OSBPL10: variants seen among roughly 807,000 people sequenced by gnomAD.
The protein encoded by OSBPL10 is oxysterol binding protein like 10, also known as oxysterol-binding protein-related protein 10.
A neutral mutation model predicts 81.7 loss-of-function variants in OSBPL10; 49 were observed. The ratio of observed to expected loss-of-function variants is 0.60; its 90% CI spans 0.48 to 0.76. The LOEUF is 0.76. OSBPL10 is among the 30% of genes least tolerant of loss of function. The pLI is 0.00. For synonymous variants in OSBPL10, 419 were observed against 383.6 expected (o/e 1.09, Z -1.08); for missense variants, 923 against 987.8 (o/e 0.93, Z 0.88).
At chr3:31,822,895 G>A (rs1158478993) in intron 4 of OSBPL10, among the ~76,000 whole-genome samples, 1 of 97,738 alleles carries the variant, frequency 1.0e-5, no homozygotes, top group Non-Finnish European at 2.0e-5. Flanking sequence ...GCCTCCAACA[G>A]AGTGAGACCC....
chr3:31,971,756 GC>G (rs1698572556), intron 1 of OSBPL10, among the ~76,000 whole-genome samples: 4 of 52,786 alleles, frequency 7.6e-5, no homozygotes, highest in Non-Finnish European at 1.1e-4. Flanking sequence ...CCCACCGCCA[GC>G]TTTTATAAAT....
At chr3:31,715,504 C>T (rs537653041) in intron 6 of OSBPL10, among the ~76,000 whole-genome samples, 8 of 152,260 alleles carry the variant, frequency 5.3e-5, no homozygotes, top group African/African-American at 1.9e-4. Context: ...AACGTTACTG[C>T]CATGTCTATC....
At chr3:32,026,096 A>AGATAGATAGATAGAT (rs1559551501) in intron 2 of OSBPL10, among the ~76,000 whole-genome samples, 60 of 90,464 alleles carry the variant, frequency 6.6e-4, no homozygotes, top group Admixed American at 1.8e-3. Context: ...GATAGATGAT[A>AGATAGATAGATAGAT]GATAGATAGA....
chr3:31,929,583 T>C (rs1697175856), intron 1 of OSBPL10, among the ~76,000 whole-genome samples: 1 of 151,520 alleles, frequency 6.6e-6, no homozygotes, highest in Middle Eastern at 3.4e-3. Flanking sequence ...CCATCTCTAC[T>C]AAAAATACAA....
chr3:31,663,722 C>T, intron 11 of OSBPL10: 3 of 1,143,332 alleles, frequency 2.6e-6, no homozygotes, highest in Non-Finnish European at 3.2e-6. Context: ...TAATTTGTTA[C>T]TAAAGATGAT....
intron 4 of OSBPL10, among the ~76,000 whole-genome samples, chr3:31,783,491 C>T (rs1698757006): frequency 6.6e-6 from 1 of 151,592 alleles, no homozygotes; most frequent in East Asian, 2.0e-4. Flanking sequence ...ACCTGTTCCC[C>T]AAAAACTATT....
intron 3 of OSBPL10, among the ~76,000 whole-genome samples, chr3:31,865,434 C>T (rs1233328172): frequency 6.6e-6 from 1 of 152,124 alleles, no homozygotes; most frequent in Non-Finnish European, 1.5e-5. Context: ...TTTCTTATCC[C>T]TTTTCATCTA....
intron 6 of OSBPL10, among the ~76,000 whole-genome samples, chr3:31,705,232 A>G (rs955613944): frequency 6.6e-6 from 1 of 152,146 alleles, no homozygotes; most frequent in Non-Finnish European, 1.5e-5. Context: ...TCCCAATGTG[A>G]TTTGTAAACA....
At chr3:31,664,903 G>A (rs1005159005) in intron 10 of OSBPL10, among the ~76,000 whole-genome samples, 2 of 152,048 alleles carry the variant, frequency 1.3e-5, no homozygotes, top group African/African-American at 4.8e-5. Flanking sequence ...AGGTAGTGAG[G>A]CCAGGCTGTT....
chr3:31,985,684 A>G (rs1198981719), upstream of OSBPL10, among the ~76,000 whole-genome samples: 1 of 152,248 alleles, frequency 6.6e-6, no homozygotes, highest in Admixed American at 6.5e-5. Flanking sequence ...AGAGAAAATT[A>G]TCACAACCAG....
chr3:32,067,314 G>A (rs1278647382), intron 1 of OSBPL10, among the ~76,000 whole-genome samples: 1 of 152,058 alleles, frequency 6.6e-6, no homozygotes, highest in Non-Finnish European at 1.5e-5. Flanking sequence ...GACCCCTTCT[G>A]TGGAACCCAG....
chr3:31,980,035 C>A (rs1698788401), intron 1 of OSBPL10, among the ~76,000 whole-genome samples: 1 of 150,328 alleles, frequency 6.7e-6, no homozygotes, highest in Non-Finnish European at 1.5e-5. Context: ...GTCGGAGTCT[C>A]GCACTGTCGC....
At chr3:31,905,752 A>G (rs979663327) in intron 1 of OSBPL10, among the ~76,000 whole-genome samples, 2 of 152,104 alleles carry the variant, frequency 1.3e-5, no homozygotes, top group African/African-American at 4.8e-5. Context: ...TGACTATGAT[A>G]TTATTCAAAT....
rs906628839 is a variant in OSBPL10 at position 31,795,778 on chromosome 3, G to T, written c.729+34262C>A. 1.3e-5 allele frequency: 3 copies of T among 239,220 alleles called. No individual in the cohort carries two copies. In the East Asian group the frequency reaches 3.3e-4, roughly 26 times the overall value. 14.8% of individuals were successfully genotyped at this position (239,220 alleles called of 1,614,324 possible). A position where few individuals can be genotyped will look rare whatever the true frequency, so the allele number is the denominator to read the frequency against. ...TGGAGAAAGACCTTATAGTTGTGGG[G>T]AATGTGGGAAATTATTTTACAAGAA... On this transcript the variant is annotated intron_variant, in intron 4 of 11. Transcript: ENST00000396556.
intron 4 of OSBPL10, among the ~76,000 whole-genome samples, chr3:31,816,057 G>A (rs756846406): frequency 6.6e-6 from 1 of 152,050 alleles, no homozygotes; most frequent in Non-Finnish European, 1.5e-5. Context: ...AAGATAGACA[G>A]ATGTTCAGCA....
chr3:31,798,902 C>A (rs1699304689), intron 4 of OSBPL10, among the ~76,000 whole-genome samples: 1 of 152,190 alleles, frequency 6.6e-6, no homozygotes, highest in African/African-American at 2.4e-5. Flanking sequence ...AAGGAGCATG[C>A]AACCTAGATC....
intron 2 of OSBPL10, among the ~76,000 whole-genome samples, chr3:32,014,213 T>G (rs1231481109): frequency 6.6e-6 from 1 of 152,148 alleles, no homozygotes; most frequent in Non-Finnish European, 1.5e-5. Context: ...ACTGGCAAAC[T>G]GAATCCAGCA....
intron 4 of OSBPL10, among the ~76,000 whole-genome samples, chr3:31,799,532 GT>G (rs112990406): frequency 0.081 from 12,348 of 152,040 alleles, 606 homozygotes; most frequent in Middle Eastern, 0.14. Context: ...TGCCTCGTTT[GT>G]AAAATAATTA....
intron 1 of OSBPL10, among the ~76,000 whole-genome samples, chr3:32,055,283 A>G (rs910290078): frequency 2.4e-5 from 3 of 126,952 alleles, no homozygotes; most frequent in African/African-American, 6.2e-5. Flanking sequence ...GGCTCACTGC[A>G]TCCTCTGCCT....
Sources: gnomAD v4.1 joint callset for allele counts (sites outside exome capture counted in the v4.1 genomes callset) on GRCh38, gnomAD v4.1.1 for gene constraint, MANE v1.5 for transcripts, NCBI Gene and HGNC (gene_info 2026-07-23, HGNC 2026-07-21) for gene names.